SASH1: variants seen among roughly 807,000 people sequenced by gnomAD.
SASH1 encodes SAM and SH3 domain-containing protein 1.
A neutral mutation model predicts 125.2 loss-of-function variants in SASH1; 44 were observed. That is an observed-to-expected ratio of 0.35 (90% CI 0.28 to 0.45). SASH1 has a LOEUF of 0.45. Ranked by LOEUF, SASH1 falls within the 20% of genes least tolerant of loss-of-function variation. The pLI, the probability that SASH1 is intolerant of heterozygous loss-of-function variation, is 1.00. For synonymous variants in SASH1, 639 were observed against 649.1 expected (o/e 0.98, Z 0.24); for missense variants, 1,426 against 1,614.5 (o/e 0.88, Z 2.00).
chr6:148,387,611 T>TCTTTCTTCCTTTCTTC lies in SASH1; in HGVS notation c.157-2516_157-2515insCCTTTCTTCCTTTCTT. On this transcript the variant is annotated intron_variant, in intron 1 of 19. Coordinates refer to ENST00000367467, the MANE Select transcript of SASH1 (RefSeq NM_015278.5). ...TTCTTTCTTTCTTTCTTTCTTTCTT[T>TCTTTCTTCCTTTCTTC]CTTTCTTTCTTTCTTTCTTTCTTTC... Among the ~76,000 whole-genome samples, 2 of 30,370 alleles carry TCTTTCTTCCTTTCTTC rather than the reference T, an allele frequency of 6.6e-5. 1 individual carries two copies. The highest frequency in any genetic ancestry group is 9.0e-4 in the East Asian group (2 of 2,214). The allele number at this position is 30,370 out of a possible 152,430, so 19.9% of individuals were successfully genotyped here.
chr6:148,395,852 G>A (rs982466625), intron 2 of SASH1, among the ~76,000 whole-genome samples: 24 of 152,192 alleles, frequency 1.6e-4, no homozygotes, highest in Admixed American at 1.6e-3. Flanking sequence ...TGACACCATG[G>A]TCAGGAAAGT....
the SASH1 span, among the ~76,000 whole-genome samples, chr6:148,203,375 G>A: frequency 9.2e-3 from 1,392 of 151,910 alleles, 25 homozygotes; most frequent in African/African-American, 0.03. Context: ...CCATCCTCCC[G>A]TCTTCTCTCC....
intron 8 of SASH1, chr6:148,509,348 T>C (rs1283352229): frequency 6.5e-6 from 1 of 154,852 alleles, no homozygotes; most frequent in African/African-American, 2.4e-5. Context: ...GCAAGTACAT[T>C]TCCAGTTTCA....
chr6:148,340,447 C>T (rs545939355), upstream of SASH1, among the ~76,000 whole-genome samples: 2 of 150,680 alleles, frequency 1.3e-5, no homozygotes, highest in African/African-American at 4.9e-5. Flanking sequence ...GGTGCCACTG[C>T]ACTCCAGCCT....
chr6:148,497,488 GA>G (rs1324590535), intron 8 of SASH1, among the ~76,000 whole-genome samples: 4 of 152,248 alleles, frequency 2.6e-5, no homozygotes, highest in African/African-American at 9.6e-5. Context: ...ACTTGAGTCA[GA>G]CCTGGGGCTC....
the SASH1 span, among the ~76,000 whole-genome samples, chr6:148,267,152 C>T: frequency 6.6e-5 from 10 of 152,308 alleles, no homozygotes; most frequent in East Asian, 1.2e-3. Flanking sequence ...ATAAGACACA[C>T]ATCTGTAAAA....
At chr6:148,350,932 C>T (rs959199905) in intron 1 of SASH1, among the ~76,000 whole-genome samples, 32 of 152,232 alleles carry the variant, frequency 2.1e-4, no homozygotes, top group African/African-American at 6.8e-4. Context: ...TGGTAGGTCT[C>T]TTCCTCATTA....
At chr6:148,392,059 C>T (rs1783747611) in intron 2 of SASH1, among the ~76,000 whole-genome samples, 2 of 152,104 alleles carry the variant, frequency 1.3e-5, no homozygotes. Flanking sequence ...CCGAGGCTGG[C>T]AGATCACTTG....
At chr6:148,213,474 G>T in the SASH1 span, among the ~76,000 whole-genome samples, 1 of 149,924 alleles carries the variant, frequency 6.7e-6, no homozygotes, top group East Asian at 2.0e-4. Context: ...AGATGTAATT[G>T]CTGTAGAAGC....
intron 1 of SASH1, among the ~76,000 whole-genome samples, chr6:148,355,305 ATGT>A (rs1381825402): frequency 6.6e-6 from 1 of 152,160 alleles, no homozygotes; most frequent in African/African-American, 2.4e-5. Flanking sequence ...CTTCTGCAAC[ATGT>A]TGTTGTAACT....
the SASH1 span, chr6:148,237,468 A>G: frequency 3.9e-5 from 6 of 152,160 alleles, no homozygotes; most frequent in East Asian, 7.7e-4. Flanking sequence ...TTACTTACCA[A>G]CTATGCCCAG....
intron 8 of SASH1, among the ~76,000 whole-genome samples, chr6:148,490,843 A>G (rs1389708082): frequency 6.6e-6 from 1 of 152,132 alleles, no homozygotes; most frequent in East Asian, 1.9e-4. Context: ...CTCATATTCT[A>G]TCTCCACACC....
chr6:148,264,037 C>T, the SASH1 span, among the ~76,000 whole-genome samples: 1 of 152,118 alleles, frequency 6.6e-6, no homozygotes, highest in South Asian at 2.1e-4. Flanking sequence ...CAAAGAGCCC[C>T]TAGGGCTCAA....
chr6:148,384,115 A>G (rs1783263984), intron 1 of SASH1, among the ~76,000 whole-genome samples: 1 of 152,220 alleles, frequency 6.6e-6, no homozygotes, highest in Admixed American at 6.5e-5. Context: ...AGAAAAGGAA[A>G]GAGAACTTGA....
the SASH1 span, among the ~76,000 whole-genome samples, chr6:148,196,616 G>A: frequency 6.6e-6 from 1 of 152,168 alleles, no homozygotes; most frequent in Non-Finnish European, 1.5e-5. Flanking sequence ...TGCTCATCGA[G>A]CCCAGCCTCT....
chr6:148,459,583 G>T (rs1777523214), intron 4 of SASH1, among the ~76,000 whole-genome samples: 1 of 152,190 alleles, frequency 6.6e-6, no homozygotes, highest in South Asian at 2.1e-4. Flanking sequence ...CCTTGGCCTG[G>T]AAAGCCTTTT....
At chr6:148,536,834 C>T (rs761032115) in intron 16 of SASH1, among the ~76,000 whole-genome samples, 9 of 152,166 alleles carry the variant, frequency 5.9e-5, no homozygotes, top group Non-Finnish European at 8.8e-5. Context: ...AGGAGGGTAT[C>T]GCTATCCATC....
At chr6:148,498,234 C>CA (rs67287043) in intron 8 of SASH1, among the ~76,000 whole-genome samples, 45 of 133,514 alleles carry the variant, frequency 3.4e-4, no homozygotes, top group South Asian at 4.6e-4. Flanking sequence ...AACAAACAAA[C>CA]AAAAAAAAAA....
the SASH1 span, among the ~76,000 whole-genome samples, chr6:148,264,847 G>A: frequency 6.6e-6 from 1 of 152,144 alleles, no homozygotes; most frequent in African/African-American, 2.4e-5. Flanking sequence ...GAAAAATTGA[G>A]CACAGCTATT....
Sources: gnomAD v4.1 joint callset for allele counts (sites outside exome capture counted in the v4.1 genomes callset) on GRCh38, gnomAD v4.1.1 for gene constraint, MANE v1.5 for transcripts, NCBI Gene and HGNC (gene_info 2026-07-23, HGNC 2026-07-21) for gene names.